Variants in NLGN1 observed in about 807,000 individuals in gnomAD.
The protein encoded by NLGN1 is neuroligin 1.
In NLGN1, 12 loss-of-function variants were observed where a neutral mutation model predicts 65.5. The observed-to-expected ratio is 0.18, with a 90% CI of 0.12 to 0.30. The LOEUF is 0.30. NLGN1 is among the 10% of genes least tolerant of loss of function. The pLI is 1.00. For missense variants in NLGN1, 750 were observed against 1,007.1 expected, an observed-to-expected ratio of 0.74 and a Z score of 3.46; for synonymous variants, 350 against 359.5, an observed-to-expected ratio of 0.97 and a Z score of 0.30.
intron 2 of NLGN1, among the ~76,000 whole-genome samples, chr3:173,561,357 G>A (rs865789798): frequency 1.3e-5 from 2 of 152,112 alleles, no homozygotes; most frequent in Admixed American, 6.5e-5. Flanking sequence ...GACTTCTAGC[G>A]TCTGCCTCCT....
intron 3 of NLGN1, among the ~76,000 whole-genome samples, chr3:173,621,954 G>A (rs73174595): frequency 0.11 from 15,972 of 152,058 alleles, 851 homozygotes; most frequent in Middle Eastern, 0.25. Flanking sequence ...CCTTTGTAGT[G>A]TGTTCAAATA....
chr3:173,710,068 A>G (rs917842649), intron 3 of NLGN1, among the ~76,000 whole-genome samples: 7 of 152,182 alleles, frequency 4.6e-5, no homozygotes, highest in Non-Finnish European at 7.4e-5. Context: ...GGTGATGGAC[A>G]TATCTTTAAT....
At chr3:173,927,391 G>A (rs1560649864) in intron 4 of NLGN1, among the ~76,000 whole-genome samples, 1 of 152,094 alleles carries the variant, frequency 6.6e-6, no homozygotes, top group African/African-American at 2.4e-5. Flanking sequence ...ATTTAAAAGT[G>A]TAGAGTTTAG....
In NLGN1 at chr3:174,059,291, G is replaced by A. The variant is rs1174120382; in HGVS notation, c.647-216024G>A. ...TGTCTTCAGCATTGACTTAGACTACGAAATAAAGCTATGGGTTGTCACAGC... is the reference window on the plus strand; with the variant it reads ...TGTCTTCAGCATTGACTTAGACTACAAAATAAAGCTATGGGTTGTCACAGC... On this transcript the variant is annotated intron_variant, in intron 4 of 6. Transcript: ENST00000457714. Among the ~76,000 whole-genome samples, 6 of 152,078 alleles carry A rather than the reference G, an allele frequency of 3.9e-5. No individual in the cohort carries two copies. In the South Asian group the frequency reaches 6.2e-4, roughly 16 times the overall value.
intron 3 of NLGN1, among the ~76,000 whole-genome samples, chr3:173,769,412 AAC>A (rs1223385683): frequency 6.6e-6 from 1 of 152,050 alleles, no homozygotes; most frequent in Non-Finnish European, 1.5e-5. Flanking sequence ...CATTCCCCCA[AAC>A]ACACATATGA....
intron 2 of NLGN1, among the ~76,000 whole-genome samples, chr3:173,596,758 A>G (rs1749559968): frequency 6.6e-6 from 1 of 152,168 alleles, no homozygotes; most frequent in Non-Finnish European, 1.5e-5. Flanking sequence ...CAAGACCTTC[A>G]ACTTTGATAT....
At chr3:173,667,009 A>C (rs929556156) in intron 3 of NLGN1, among the ~76,000 whole-genome samples, 2 of 152,290 alleles carry the variant, frequency 1.3e-5, no homozygotes, top group East Asian at 3.9e-4. Context: ...TATAAAAAGT[A>C]AAAAAGAATA....
chr3:174,197,206 G>A (rs1210379875), intron 4 of NLGN1, among the ~76,000 whole-genome samples: 1 of 152,108 alleles, frequency 6.6e-6, no homozygotes, highest in Non-Finnish European at 1.5e-5. Flanking sequence ...CAACAATGTA[G>A]TGTATATGTT....
intron 4 of NLGN1, among the ~76,000 whole-genome samples, chr3:173,883,226 T>C (rs1462700756): frequency 6.6e-6 from 1 of 151,990 alleles, no homozygotes; most frequent in Admixed American, 6.6e-5. Context: ...CATTGAGGAG[T>C]TATTAATTGG....
At chr3:173,546,095 T>G (rs1739778811) in intron 2 of NLGN1, among the ~76,000 whole-genome samples, 1 of 152,120 alleles carries the variant, frequency 6.6e-6, no homozygotes, top group African/African-American at 2.4e-5. Flanking sequence ...AAGTATATTT[T>G]TAAAAAATTC....
chr3:173,585,785 C>A (rs1231315028), intron 2 of NLGN1, among the ~76,000 whole-genome samples: 2 of 152,206 alleles, frequency 1.3e-5, no homozygotes, highest in African/African-American at 4.8e-5. Context: ...GCTTTTCTTT[C>A]CAACTGAGCG....
chr3:173,959,231 C>G (rs1712930655), intron 4 of NLGN1, among the ~76,000 whole-genome samples: 1 of 152,220 alleles, frequency 6.6e-6, no homozygotes, highest in Non-Finnish European at 1.5e-5. Flanking sequence ...AAGGGCTGGG[C>G]TCCTACCTGC....
intron 3 of NLGN1, among the ~76,000 whole-genome samples, chr3:173,776,696 T>G (rs1420862642): frequency 6.6e-6 from 1 of 152,066 alleles, no homozygotes; most frequent in Non-Finnish European, 1.5e-5. Flanking sequence ...TTGGCTATTA[T>G]ATGTTTATTT....
intron 3 of NLGN1, among the ~76,000 whole-genome samples, chr3:173,767,624 A>T (rs1251977599): frequency 3.9e-5 from 6 of 152,216 alleles, no homozygotes; most frequent in African/African-American, 9.6e-5. Context: ...TTGTCCAGCC[A>T]ATTCATTGAA....
At chr3:174,264,844 T>C (rs1295975548) in intron 4 of NLGN1, among the ~76,000 whole-genome samples, 1 of 151,912 alleles carries the variant, frequency 6.6e-6, no homozygotes, top group South Asian at 2.1e-4. Flanking sequence ...ATGATGGTGA[T>C]GTACAGATGG....
intron 4 of NLGN1, among the ~76,000 whole-genome samples, chr3:174,065,148 T>C (rs2152524240): frequency 6.6e-6 from 1 of 152,158 alleles, no homozygotes; most frequent in South Asian, 2.1e-4. Context: ...TAATATGTTA[T>C]GGGTTTTTCC....
intron 4 of NLGN1, 52 bp from the exon 5 acceptor site, chr3:174,275,263 C>CTATT (rs1212197027): frequency 1.4e-5 from 19 of 1,339,450 alleles, no homozygotes; most frequent in Non-Finnish European, 1.8e-5. Context: ...AATTTGATGT[C>CTATT]TATTTGATTC....
At chr3:173,764,956 T>C (rs1578322489) in intron 3 of NLGN1, among the ~76,000 whole-genome samples, 2 of 152,184 alleles carry the variant, frequency 1.3e-5, no homozygotes, top group Non-Finnish European at 1.5e-5. Context: ...TTCTAACTTA[T>C]TAGAAAGAAA....
intron 3 of NLGN1, among the ~76,000 whole-genome samples, chr3:173,631,604 A>G (rs1035512859): frequency 1.3e-5 from 2 of 152,198 alleles, no homozygotes; most frequent in African/African-American, 2.4e-5. Flanking sequence ...TTTAAAGTAT[A>G]ACATCATTTG....
Sources: gnomAD v4.1 joint callset for allele counts (sites outside exome capture counted in the v4.1 genomes callset) on GRCh38, gnomAD v4.1.1 for gene constraint, MANE v1.5 for transcripts, NCBI Gene and HGNC (gene_info 2026-07-23, HGNC 2026-07-21) for gene names.